Variants in HYCC1 observed in about 807,000 individuals in gnomAD.
HYCC1 encodes hyccin PI4KA lipid kinase complex subunit 1.
chr7:22,967,254 G>A, the HYCC1 span, among the ~76,000 whole-genome samples: 1 of 152,130 alleles, frequency 6.6e-6, no homozygotes, highest in East Asian at 1.9e-4. Flanking sequence ...AGGAGAGAAT[G>A]GTAAACTCAG....
the HYCC1 span, among the ~76,000 whole-genome samples, chr7:22,919,340 C>A: frequency 6.6e-6 from 1 of 152,118 alleles, no homozygotes; most frequent in Non-Finnish European, 1.5e-5. Context: ...ACCAGCCTGG[C>A]CAACATGGCG....
chr7:22,993,685 A>AACAC, the HYCC1 span, among the ~76,000 whole-genome samples: 18 of 148,996 alleles, frequency 1.2e-4, no homozygotes, highest in East Asian at 5.9e-4. Flanking sequence ...ACACCATACA[A>AACAC]ACACACACAC....
the HYCC1 span, chr7:22,961,104 C>A: frequency 1.7e-6 from 1 of 605,240 alleles, no homozygotes; most frequent in South Asian, 2.1e-5. Context: ...ATAAAACTTC[C>A]ATGTATAACA....
At chr7:22,918,038 A>T in the HYCC1 span, among the ~76,000 whole-genome samples, 12 of 152,198 alleles carry the variant, frequency 7.9e-5, no homozygotes, top group African/African-American at 2.9e-4. Flanking sequence ...ACTGCTTAAA[A>T]AAAGAGGACT....
the HYCC1 span, among the ~76,000 whole-genome samples, chr7:22,904,651 T>C: frequency 6.6e-6 from 1 of 151,382 alleles, no homozygotes; most frequent in Non-Finnish European, 1.5e-5. Context: ...CTGGGTAAGT[T>C]ATAAAGAAAA....
At chr7:23,008,236 T>A in the HYCC1 span, among the ~76,000 whole-genome samples, 4 of 152,000 alleles carry the variant, frequency 2.6e-5, no homozygotes, top group Non-Finnish European at 5.9e-5. Context: ...GCCATCTTTC[T>A]ATGTTCCATC....
chr7:22,932,491 C>A, the HYCC1 span, among the ~76,000 whole-genome samples: 1 of 152,152 alleles, frequency 6.6e-6, no homozygotes, highest in Non-Finnish European at 1.5e-5. Context: ...TTGGAAATAT[C>A]TCTCTTATGT....
the HYCC1 span, chr7:23,013,815 T>A: frequency 2.5e-6 from 1 of 404,854 alleles, no homozygotes; most frequent in African/African-American, 2.1e-5. Context: ...AGGGACAAAG[T>A]CCCGGTCCTG....
At chr7:22,931,253 A>G in the HYCC1 span, among the ~76,000 whole-genome samples, 2 of 139,654 alleles carry the variant, frequency 1.4e-5, no homozygotes, top group Non-Finnish European at 1.6e-5. Flanking sequence ...GCCAAAAAAA[A>G]AGAAAAAAAA....
the HYCC1 span, among the ~76,000 whole-genome samples, chr7:22,993,750 C>T: frequency 6.6e-6 from 1 of 151,974 alleles, no homozygotes; most frequent in Non-Finnish European, 1.5e-5. Flanking sequence ...TGAAAGATCA[C>T]ACCAAGTGTT....
At chr7:22,981,771 T>C in the HYCC1 span, among the ~76,000 whole-genome samples, 1 of 152,212 alleles carries the variant, frequency 6.6e-6, no homozygotes, top group Non-Finnish European at 1.5e-5. Flanking sequence ...TATCAGAGTA[T>C]ACATCAGTTA....
the HYCC1 span, among the ~76,000 whole-genome samples, chr7:22,911,601 T>C: frequency 2.2e-4 from 34 of 152,082 alleles, no homozygotes; most frequent in East Asian, 6.6e-3. Context: ...CCACTAAAAA[T>C]ACAAAAATCA....
At chr7:22,964,234 GAT>G in the HYCC1 span, among the ~76,000 whole-genome samples, 41 of 152,110 alleles carry the variant, frequency 2.7e-4, no homozygotes, top group African/African-American at 7.7e-4. Context: ...AACTTTAAAA[GAT>G]ATGTTTTAAA....
the HYCC1 span, among the ~76,000 whole-genome samples, chr7:22,979,092 C>T: frequency 1.3e-5 from 2 of 152,122 alleles, no homozygotes; most frequent in Non-Finnish European, 2.9e-5. Context: ...AGCAAATTAT[C>T]AGGCTATTTA....
At chr7:22,978,736 A>G in the HYCC1 span, among the ~76,000 whole-genome samples, 1 of 152,178 alleles carries the variant, frequency 6.6e-6, no homozygotes, top group Non-Finnish European at 1.5e-5. Flanking sequence ...TCTGACAGGA[A>G]TGATTGGTAC....
chr7:22,939,531 G>C, the HYCC1 span: 2 of 152,112 alleles, frequency 1.3e-5, no homozygotes, highest in African/African-American at 4.8e-5. Context: ...AGCATTGTTT[G>C]ACCACTAAAA....
the HYCC1 span, among the ~76,000 whole-genome samples, chr7:23,001,149 T>C: frequency 6.6e-6 from 1 of 152,176 alleles, no homozygotes; most frequent in African/African-American, 2.4e-5. Flanking sequence ...GATAATGTTG[T>C]GATAATGACT....
chr7:22,993,267 T>C, the HYCC1 span, among the ~76,000 whole-genome samples: 2 of 152,182 alleles, frequency 1.3e-5, no homozygotes, highest in East Asian at 1.9e-4. Context: ...ACAGATCTAA[T>C]TGTGAACAGT....
chr7:22,957,421 C>T, the HYCC1 span, among the ~76,000 whole-genome samples: 1 of 150,094 alleles, frequency 6.7e-6, no homozygotes, highest in East Asian at 2.0e-4. Flanking sequence ...AGAGGAAATG[C>T]AATAATAAAT....
Sources: gnomAD v4.1 joint callset for allele counts (sites outside exome capture counted in the v4.1 genomes callset) on GRCh38, gnomAD v4.1.1 for gene constraint, MANE v1.5 for transcripts, NCBI Gene and HGNC (gene_info 2026-07-23, HGNC 2026-07-21) for gene names.